AR: variants seen among roughly 807,000 people sequenced by gnomAD.
AR encodes dihydrotestosterone receptor.
A neutral mutation model predicts 53.9 loss-of-function variants in AR; 8 were observed. The ratio of observed to expected loss-of-function variants is 0.15; its 90% CI spans 0.09 to 0.27. The LOEUF (loss-of-function observed/expected upper bound fraction) is 0.27, where lower values mean the gene tolerates loss of function less well. Ranked by LOEUF, AR falls within the 10% of genes least tolerant of loss-of-function variation. The probability of loss-of-function intolerance (pLI) is 1.00; values close to 1 mark genes in which losing one functional copy is unlikely to be tolerated. For missense variants in AR, 639 were observed against 742.5 expected, an observed-to-expected ratio of 0.86 and a Z score of 1.62; for synonymous variants, 359 against 316.4, an observed-to-expected ratio of 1.13 and a Z score of -1.43.
intron 2 of AR, among the ~76,000 whole-genome samples, chrX:67,669,276 A>T (rs977532821): frequency 9.0e-6 from 1 of 111,563 alleles, no homozygotes; most frequent in Non-Finnish European, 1.9e-5. Context: ...ATAAATTTTT[A>T]AATTTTCTTC....
chrX:67,626,167 T>G (rs1924624610), intron 1 of AR, among the ~76,000 whole-genome samples: 3 of 111,078 alleles, frequency 2.7e-5, no homozygotes. Flanking sequence ...TGTTATTCAT[T>G]CTATCTAACT....
intron 1 of AR, among the ~76,000 whole-genome samples, chrX:67,580,207 A>G (rs1225229169): frequency 9.1e-6 from 1 of 110,040 alleles, no homozygotes; most frequent in Non-Finnish European, 1.9e-5. Flanking sequence ...TTACTGCCTC[A>G]TAGCCCTGAC....
intron 3 of AR, among the ~76,000 whole-genome samples, chrX:67,699,225 G>T (rs2076032951): frequency 8.9e-6 from 1 of 112,564 alleles, no homozygotes; most frequent in Non-Finnish European, 1.9e-5. Flanking sequence ...TAGATTCTCA[G>T]TTCAGGGTCT....
rs2076163161 is a variant in AR at position 67,727,649 on chromosome X, C to T, written c.*3808C>T. 5.8e-6 allele frequency: 1 copy of T among 172,384 alleles called. No homozygotes were observed. The highest frequency in any genetic ancestry group is 3.1e-4 in the South Asian group (1 of 3,228). 14.2% of individuals were successfully genotyped at this position (172,384 alleles called of 1,213,427 possible). A position where few individuals can be genotyped will look rare whatever the true frequency, so the allele number is the denominator to read the frequency against. On this transcript the variant is annotated 3_prime_UTR_variant, in exon 8 of 8. Coordinates refer to ENST00000374690, the MANE Select transcript of AR (RefSeq NM_000044.6). The stretch of plus-strand genomic sequence containing the variant: ...CCAGGCCACTTCCTCTGCCCCTTCC[C>T]AGCCCTGCACCAAAGCTGCATTTCA...
chrX:67,551,372 C>T (rs779361776), intron 1 of AR, among the ~76,000 whole-genome samples: 5 of 111,597 alleles, frequency 4.5e-5, no homozygotes, highest in Non-Finnish European at 7.5e-5. Flanking sequence ...ATTATTCTAT[C>T]TCCGACTTCC....
chrX:67,664,804 C>A lies in AR; in HGVS notation c.1769-21206C>A, dbSNP rs144033050. ...CAGCTGCTTTGTTTACCTACTCAAG[C>A]TTCAGCAATGGCGGGCACCCCTCCC... On this transcript the variant is annotated intron_variant, in intron 2 of 7. Coordinates refer to ENST00000374690, the MANE Select transcript of AR (RefSeq NM_000044.6). Among the ~76,000 whole-genome samples, 131 of 112,615 alleles carry A rather than the reference C, an allele frequency of 1.2e-3. No homozygotes were observed. In the East Asian group the frequency reaches 0.035, roughly 30 times the overall value.
chrX:67,661,091 T>A, intron 2 of AR, among the ~76,000 whole-genome samples: 1 of 112,049 alleles, frequency 8.9e-6, no homozygotes, highest in Non-Finnish European at 1.9e-5. Context: ...TGAAGTTGCT[T>A]ATCAGCTTAA....
chrX:67,723,473 G>T (rs1261148101), intron 7 of AR, among the ~76,000 whole-genome samples: 1 of 100,746 alleles, frequency 9.9e-6, no homozygotes, highest in Non-Finnish European at 2.0e-5. Context: ...AGCCCTCAGT[G>T]ACTCCATGGA....
chrX:67,656,758 G>A (rs1419883216), intron 2 of AR, among the ~76,000 whole-genome samples: 2 of 110,451 alleles, frequency 1.8e-5, no homozygotes, highest in African/African-American at 6.6e-5. Flanking sequence ...TGGATGGCAG[G>A]GAGAGAGAGA....
chrX:67,709,407 G>A, intron 3 of AR, among the ~76,000 whole-genome samples: 1 of 112,418 alleles, frequency 8.9e-6, no homozygotes. Context: ...CTAGCAGTGA[G>A]CGATGCTCCA....
At chrX:67,551,852 G>A (rs1368756618) in intron 1 of AR, among the ~76,000 whole-genome samples, 1 of 111,416 alleles carries the variant, frequency 9.0e-6, no homozygotes, top group African/African-American at 3.3e-5. Context: ...GCACACTCAT[G>A]GGTGATGCTA....
At chrX:67,582,429 GT>G (rs1922337320) in intron 1 of AR, among the ~76,000 whole-genome samples, 1 of 111,694 alleles carries the variant, frequency 9.0e-6, no homozygotes, top group Non-Finnish European at 1.9e-5. Context: ...GAAAGATTAG[GT>G]GATATTTTCT....
rs897222846 is a variant in AR, at chrX:67,729,542, T to G, written c.*5701T>G. 5.8e-6 allele frequency: 1 copy of G among 173,473 alleles called. No homozygotes were observed. Among genetic ancestry groups the G allele is most frequent in the Non-Finnish European group, 1.1e-5 (1 of 91,082 alleles). The allele number at this position is 173,473 out of a possible 1,213,427, so 14.3% of individuals were successfully genotyped here. A position where few individuals can be genotyped will look rare whatever the true frequency, so the allele number is the denominator to read the frequency against. ...TGGCCAGAAAGTAGGTAATATGCAT[T>G]GATTGGCTTCTGATTCCAATTCAGT... On this transcript the variant is annotated 3_prime_UTR_variant, in exon 8 of 8. Transcript: ENST00000374690.
chrX:67,601,016 A>G (rs1047896867), intron 1 of AR, among the ~76,000 whole-genome samples: 2 of 112,022 alleles, frequency 1.8e-5, no homozygotes, highest in African/African-American at 3.2e-5. Context: ...TCTTCCTTCT[A>G]TGATTCAAGG....
At chrX:67,643,748 TC>T (rs1799659936) in intron 2 of AR, among the ~76,000 whole-genome samples, 2 of 111,989 alleles carry the variant, frequency 1.8e-5, no homozygotes, top group Non-Finnish European at 3.8e-5. Context: ...GAAAAATTTG[TC>T]CTTATTAGAG....
chrX:67,714,116 G>A (rs770755409), intron 4 of AR, among the ~76,000 whole-genome samples: 65 of 111,742 alleles, frequency 5.8e-4, no homozygotes, highest in Admixed American at 3.2e-3. Flanking sequence ...AATGATAACT[G>A]TTAATTTGGA....
intron 1 of AR, among the ~76,000 whole-genome samples, chrX:67,585,552 G>A (rs2147359750): frequency 8.9e-6 from 1 of 112,389 alleles, no homozygotes; most frequent in African/African-American, 3.2e-5. Flanking sequence ...GCATATACCT[G>A]AAGTGAGAAG....
At chrX:67,666,879 G>A in intron 2 of AR, among the ~76,000 whole-genome samples, 1 of 111,147 alleles carries the variant, frequency 9.0e-6, no homozygotes, top group Non-Finnish European at 1.9e-5. Flanking sequence ...TGTCTACCCA[G>A]ATCTTTTGCC....
intron 3 of AR, among the ~76,000 whole-genome samples, chrX:67,698,120 T>C (rs1241269420): frequency 8.9e-6 from 1 of 112,226 alleles, no homozygotes; most frequent in Non-Finnish European, 1.9e-5. Flanking sequence ...GCATCCTGAC[T>C]CCAGAATATT....
Sources: allele counts gnomAD v4.1 joint callset (sites outside exome capture counted in the v4.1 genomes callset), GRCh38; gene constraint gnomAD v4.1.1; transcripts MANE v1.5; gene names NCBI Gene and HGNC (gene_info 2026-07-23, HGNC 2026-07-21).